The following ALK variants were observed in gnomAD, a reference collection of about 807,000 sequenced individuals.
ALK encodes the protein ALK receptor tyrosine kinase, also known as ALK tyrosine kinase receptor.
In ALK, 74 loss-of-function variants were observed where a neutral mutation model predicts 163.1. That is an observed-to-expected ratio of 0.45 (90% confidence interval 0.38 to 0.55). The LOEUF (loss-of-function observed/expected upper bound fraction) is 0.55. ALK is among the 20% of genes least tolerant of loss of function. The probability of loss-of-function intolerance (pLI) is 0.00; values close to 1 mark genes in which losing one functional copy is unlikely to be tolerated. For missense variants in ALK, 2,063 were observed against 2,105.3 expected, an observed-to-expected ratio of 0.98 and a Z score of 0.39; for synonymous variants, 960 against 843.2, an observed-to-expected ratio of 1.14 and a Z score of -2.40.
chr2:29,692,606 A>T (rs1678432401), intron 3 of ALK, among the ~76,000 whole-genome samples: 1 of 152,216 alleles, frequency 6.6e-6, no homozygotes, highest in Non-Finnish European at 1.5e-5. Context: ...TTCCTATAAG[A>T]ATCTAATGCG....
intron 11 of ALK, among the ~76,000 whole-genome samples, chr2:29,264,335 C>G (rs1255062832): frequency 4.6e-5 from 7 of 152,242 alleles, no homozygotes; most frequent in Non-Finnish European, 1.0e-4. Flanking sequence ...TTTCCTGATT[C>G]TGCTCCCACG....
At chr2:29,842,002 T>C (rs1665714821) in intron 1 of ALK, among the ~76,000 whole-genome samples, 1 of 151,984 alleles carries the variant, frequency 6.6e-6, no homozygotes, top group Admixed American at 6.6e-5. Context: ...TCCATCCTCC[T>C]CTTCACTCCT....
At chr2:29,553,496 T>C (rs1673767606) in intron 3 of ALK, among the ~76,000 whole-genome samples, 1 of 152,252 alleles carries the variant, frequency 6.6e-6, no homozygotes, top group African/African-American at 2.4e-5. Flanking sequence ...ATTTGCCACA[T>C]GTGTGAATGC....
intron 3 of ALK, among the ~76,000 whole-genome samples, chr2:29,691,567 G>A (rs1282784749): frequency 6.6e-6 from 1 of 152,184 alleles, no homozygotes; most frequent in Admixed American, 6.5e-5. Context: ...TAATGGGAAA[G>A]TTTCACATTC....
chr2:29,446,098 CAAAAAA>C (rs60360983), intron 4 of ALK, among the ~76,000 whole-genome samples: 1 of 17,212 alleles, frequency 5.8e-5, no homozygotes, highest in East Asian at 2.3e-3. Context: ...GACTCCGTCT[CAAAAAA>C]AAAAAAAAAA....
intron 3 of ALK, among the ~76,000 whole-genome samples, chr2:29,616,506 C>T (rs7598366): frequency 0.64 from 97,475 of 152,066 alleles, 32,206 homozygotes; most frequent in East Asian, 0.73. Flanking sequence ...ATCTGAGAGA[C>T]CAAAACAGAC....
chr2:29,604,163 G>GTTTTTT (rs34399929), intron 3 of ALK, among the ~76,000 whole-genome samples: 1 of 138,168 alleles, frequency 7.2e-6, no homozygotes, highest in African/African-American at 2.7e-5. Context: ...GAATAGAGAA[G>GTTTTTT]TTTTTTTTTT....
chr2:29,311,589 C>T (rs756818133), intron 8 of ALK, among the ~76,000 whole-genome samples: 11 of 152,192 alleles, frequency 7.2e-5, no homozygotes, highest in Non-Finnish European at 1.6e-4. Flanking sequence ...ACGTTCTGCT[C>T]TGGGCCGTGT....
chr2:29,819,145 C>T (rs1664975667), intron 1 of ALK, among the ~76,000 whole-genome samples: 1 of 152,202 alleles, frequency 6.6e-6, no homozygotes, highest in Admixed American at 6.5e-5. Context: ...TCTCAGCCTC[C>T]AACCAGAACC....
chr2:29,876,894 G>A (rs1275698079), intron 1 of ALK, among the ~76,000 whole-genome samples: 8 of 152,114 alleles, frequency 5.3e-5, no homozygotes, highest in Admixed American at 3.9e-4. Context: ...CCTTTGCATT[G>A]AACCAGCTCT....
chr2:29,656,511 G>A (rs2148258122), intron 3 of ALK, among the ~76,000 whole-genome samples: 1 of 152,280 alleles, frequency 6.6e-6, no homozygotes, highest in Admixed American at 6.5e-5. Flanking sequence ...AGGTAATAGT[G>A]CTAGCTAATA....
At chr2:29,211,184 ATTCATGT>A (rs1669457417) in intron 24 of ALK, among the ~76,000 whole-genome samples, 1 of 152,198 alleles carries the variant, frequency 6.6e-6, no homozygotes, top group Non-Finnish European at 1.5e-5. Context: ...CAGGTAGGAG[ATTCATGT>A]TGTTAATGCT....
chr2:29,386,472 C>T (rs534632912), intron 4 of ALK, among the ~76,000 whole-genome samples: 46 of 152,030 alleles, frequency 3.0e-4, no homozygotes, highest in Non-Finnish European at 6.0e-4. Context: ...CAAAAAGAGC[C>T]GAATTTGTCT....
chr2:29,235,787 G>A (rs1462537271), intron 13 of ALK, among the ~76,000 whole-genome samples: 2 of 149,710 alleles, frequency 1.3e-5, no homozygotes, highest in African/African-American at 4.9e-5. Flanking sequence ...CGAACTCCTG[G>A]GCTCAAGTAA....
At chr2:29,600,812 G>GT (rs754601715) in intron 3 of ALK, among the ~76,000 whole-genome samples, 8 of 152,200 alleles carry the variant, frequency 5.3e-5, no homozygotes, top group Non-Finnish European at 1.0e-4. Context: ...TGGTTGGTGG[G>GT]TGGAGGAGTA....
chr2:29,333,436 CT>C (rs931508338), intron 5 of ALK, among the ~76,000 whole-genome samples: 6 of 152,038 alleles, frequency 3.9e-5, no homozygotes, highest in African/African-American at 1.4e-4. Context: ...ACATTACTAG[CT>C]TTTTTTTCTT....
rs908970809 is a variant in ALK at position 29,769,125 on chromosome 2, C to T, written c.668-51428G>A. Among the ~76,000 whole-genome samples the T allele has an allele frequency of 1.2e-4, 17 of 147,470 alleles. No individual in the cohort carries two copies. The Middle Eastern group carries it at 0.014, about 124-fold the overall frequency. ...CTGGGATTACAGGTGTGAGCCACAG[C>T]ATCTGGCTAAATTTTTTCTTCATAG... is the stretch of plus-strand genomic sequence containing the variant. On this transcript the variant is annotated intron_variant, in intron 1 of 28. Transcript: ENST00000389048.
At chr2:29,400,016 G>A (rs886347337) in intron 4 of ALK, among the ~76,000 whole-genome samples, 2 of 152,154 alleles carry the variant, frequency 1.3e-5, no homozygotes, top group Non-Finnish European at 2.9e-5. Flanking sequence ...AGGATAACTG[G>A]GACCTTGAGG....
chr2:29,916,540 T>C (rs1667839476), intron 1 of ALK, among the ~76,000 whole-genome samples: 1 of 152,236 alleles, frequency 6.6e-6, no homozygotes, highest in Admixed American at 6.5e-5. Flanking sequence ...CATCCTCCTT[T>C]GCTCTCTCTG....
Sources: gnomAD v4.1 joint callset for allele counts (sites outside exome capture counted in the v4.1 genomes callset) on GRCh38, gnomAD v4.1.1 for gene constraint, MANE v1.5 for transcripts, NCBI Gene and HGNC (gene_info 2026-07-23, HGNC 2026-07-21) for gene names.